Variants in ARHGAP24 observed in about 807,000 individuals in gnomAD.
ARHGAP24 encodes the protein Rho GTPase activating protein 24.
Under a neutral mutation model 76.4 loss-of-function variants are expected in ARHGAP24, and 50 were observed. The observed-to-expected ratio is 0.65, with a 90% confidence interval of 0.52 to 0.83. The LOEUF (loss-of-function observed/expected upper bound fraction) is 0.83. Ranked by LOEUF, ARHGAP24 falls within the 40% of genes least tolerant of loss-of-function variation. The probability of loss-of-function intolerance (pLI) is 0.00; values close to 1 mark genes in which losing one functional copy is unlikely to be tolerated. For missense variants in ARHGAP24, 930 were observed against 914.2 expected (o/e 1.02, Z -0.22); for synonymous variants, 345 against 323.3 (o/e 1.07, Z -0.72).
rs540294908 is a variant in ARHGAP24, at chr4:85,823,922, A to T, written c.269-99726A>T. Among the ~76,000 whole-genome samples the T allele has an allele frequency of 2.3e-4, 31 of 134,298 alleles. No homozygotes were observed. The Admixed American group carries it at 2.4e-3, about 10-fold the overall frequency. The allele number at this position is 134,298 out of a possible 152,430, so 88.1% of individuals were successfully genotyped here. ...TCTTTTTCTGAAACCACTTAAATGTATTTAGGAAACTTTGAATGAAAGTAA... is the reference window on the plus strand; with the variant it reads ...TCTTTTTCTGAAACCACTTAAATGTTTTTAGGAAACTTTGAATGAAAGTAA... On this transcript the variant is annotated intron_variant, in intron 3 of 9. Transcript: ENST00000395184.
chr4:85,815,375 A>G (rs1221247809), intron 3 of ARHGAP24, among the ~76,000 whole-genome samples: 1 of 152,142 alleles, frequency 6.6e-6, no homozygotes, highest in Non-Finnish European at 1.5e-5. Flanking sequence ...TTTCCTTGTA[A>G]AACTGAATGC....
intron 5 of ARHGAP24, among the ~76,000 whole-genome samples, chr4:85,959,786 C>T (rs577287432): frequency 1.9e-4 from 29 of 152,218 alleles, no homozygotes; most frequent in Non-Finnish European, 2.8e-4. Flanking sequence ...TCCAAAAAGG[C>T]GGAACCATCT....
At chr4:85,624,470 C>G (rs1007117470) in intron 2 of ARHGAP24, among the ~76,000 whole-genome samples, 8 of 152,252 alleles carry the variant, frequency 5.3e-5, no homozygotes, top group South Asian at 4.2e-4. Flanking sequence ...TTTTGATGTG[C>G]TGCTGGATTC....
chr4:85,895,826 T>C (rs562381792), intron 3 of ARHGAP24, among the ~76,000 whole-genome samples: 1 of 152,264 alleles, frequency 6.6e-6, no homozygotes, highest in African/African-American at 2.4e-5. Flanking sequence ...TACATGTTAT[T>C]TCTCAGTGTT....
intron 3 of ARHGAP24, among the ~76,000 whole-genome samples, chr4:85,791,493 G>A (rs1372196614): frequency 2.6e-5 from 4 of 152,138 alleles, no homozygotes; most frequent in African/African-American, 7.2e-5. Context: ...CTCCAGGCAC[G>A]AAAGAGAGTT....
intron 5 of ARHGAP24, among the ~76,000 whole-genome samples, chr4:85,943,485 G>T (rs1332156775): frequency 1.3e-5 from 2 of 152,030 alleles, no homozygotes; most frequent in Non-Finnish European, 2.9e-5. Flanking sequence ...TATTCTTTAA[G>T]TTCTGGGATA....
rs756129349 is a variant in ARHGAP24 at position 85,574,149 on chromosome 4, G to A, written c.180+3428G>A. On this transcript the variant is annotated intron_variant, in intron 2 of 9. Transcript: ENST00000395184. Reference sequence around the variant, plus strand: ...AATGAGAGTATAAAACCCATGAAATGTGTGTCCTTCTTGTCCTTGGTTAAA... The same window carrying A: ...AATGAGAGTATAAAACCCATGAAATATGTGTCCTTCTTGTCCTTGGTTAAA... Among the ~76,000 whole-genome samples, 13 of 152,116 alleles carry A rather than the reference G, an allele frequency of 8.5e-5. 1 individual carries two copies. The highest frequency in any genetic ancestry group is 3.1e-4 in the African/African-American group (13 of 41,410).
intron 2 of ARHGAP24, among the ~76,000 whole-genome samples, chr4:85,628,599 T>C (rs1160286464): frequency 2.6e-5 from 4 of 152,228 alleles, no homozygotes; most frequent in Non-Finnish European, 5.9e-5. Flanking sequence ...AGTGGGGTAC[T>C]GAAATCCTCT....
chr4:85,853,783 G>A (rs533901940), intron 3 of ARHGAP24, among the ~76,000 whole-genome samples: 3 of 151,880 alleles, frequency 2.0e-5, no homozygotes, highest in African/African-American at 7.3e-5. Context: ...GTGAAACCTC[G>A]TCTCTACTAA....
At chr4:85,942,327 A>G in intron 5 of ARHGAP24, 54 bp downstream of exon 5, 5 of 1,586,790 alleles carry the variant, frequency 3.2e-6, no homozygotes, top group Non-Finnish European at 4.3e-6. Flanking sequence ...GACTCAACTG[A>G]CAGGATGCAG....
In ARHGAP24 at chr4:85,953,322, A is replaced by G. The variant is rs993994798; in HGVS notation, c.599+11049A>G. ...CTTATTTTTCAAATTTGTTTTGGTGACTAAATAAACTGCAAGTCCACAGAG... is the reference window on the plus strand; with the variant it reads ...CTTATTTTTCAAATTTGTTTTGGTGGCTAAATAAACTGCAAGTCCACAGAG... On this transcript the variant is annotated intron_variant, in intron 5 of 9. Transcript: ENST00000395184. Among the ~76,000 whole-genome samples, 2 of 152,166 alleles carry G rather than the reference A, an allele frequency of 1.3e-5. 1 individual carries two copies. The highest frequency in any genetic ancestry group is 2.9e-5 in the Non-Finnish European group (2 of 68,034).
rs75708781 is a variant in ARHGAP24 at position 85,491,338 on chromosome 4, T to C, written c.-21+15779T>C. On this transcript the variant is annotated intron_variant, in intron 1 of 9. Coordinates refer to ENST00000395184, the MANE Select transcript of ARHGAP24 (RefSeq NM_001025616.3). Reference sequence around the variant, plus strand: ...AATAACAATTTTGTTATCTCTCATTTCCTCTGCTAATTTTTGTGTTTAACT... The same window carrying C: ...AATAACAATTTTGTTATCTCTCATTCCCTCTGCTAATTTTTGTGTTTAACT... Among the ~76,000 whole-genome samples the C allele has an allele frequency of 3.3e-3, 510 of 152,336 alleles. 2 individuals are homozygous for C. Among genetic ancestry groups the C allele is most frequent in the African/African-American group, 0.012 (485 of 41,574 alleles).
At chr4:85,776,457 T>G (rs914128824) in intron 3 of ARHGAP24, among the ~76,000 whole-genome samples, 2 of 152,184 alleles carry the variant, frequency 1.3e-5, no homozygotes, top group African/African-American at 4.8e-5. Context: ...ACACCAGTTT[T>G]AAAAATGGTT....
intron 3 of ARHGAP24, among the ~76,000 whole-genome samples, chr4:85,896,723 G>A (rs1037967085): frequency 1.3e-5 from 2 of 152,060 alleles, no homozygotes; most frequent in Admixed American, 6.6e-5. Flanking sequence ...TGTCCTCTCA[G>A]CCCCCAATAT....
intron 1 of ARHGAP24, among the ~76,000 whole-genome samples, chr4:85,493,392 C>T (rs1247602564): frequency 6.6e-6 from 1 of 152,182 alleles, no homozygotes; most frequent in Non-Finnish European, 1.5e-5. Flanking sequence ...ATTCCTTCTA[C>T]CATTATTAGT....
intron 3 of ARHGAP24, among the ~76,000 whole-genome samples, chr4:85,806,285 A>C (rs1728788694): frequency 6.6e-6 from 1 of 152,206 alleles, no homozygotes; most frequent in Admixed American, 6.5e-5. Flanking sequence ...CTGGATTCTA[A>C]GGGGAGGTAC....
intron 3 of ARHGAP24, among the ~76,000 whole-genome samples, chr4:85,766,119 C>G (rs1382377607): frequency 6.6e-6 from 1 of 152,026 alleles, no homozygotes; most frequent in East Asian, 1.9e-4. Context: ...ATATTTAGAG[C>G]CCGGGGAGGA....
intron 2 of ARHGAP24, among the ~76,000 whole-genome samples, chr4:85,575,824 A>G (rs1041320111): frequency 6.6e-5 from 10 of 152,334 alleles, no homozygotes; most frequent in East Asian, 1.9e-4. Context: ...AAGCTTGGCC[A>G]TACTAGAGAA....
chr4:85,735,676 T>C (rs1725581237), intron 3 of ARHGAP24, among the ~76,000 whole-genome samples: 1 of 152,160 alleles, frequency 6.6e-6, no homozygotes, highest in African/African-American at 2.4e-5. Flanking sequence ...TCAGTCTTGG[T>C]CCTCTTTGTC....
Sources: gnomAD v4.1 joint callset for allele counts (sites outside exome capture counted in the v4.1 genomes callset) on GRCh38, gnomAD v4.1.1 for gene constraint, MANE v1.5 for transcripts, NCBI Gene and HGNC (gene_info 2026-07-23, HGNC 2026-07-21) for gene names.